VAC14: variants seen among roughly 807,000 people sequenced by gnomAD.
VAC14 encodes protein VAC14 homolog.
A neutral mutation model predicts 85.3 loss-of-function variants in VAC14; 47 were observed. That is an observed-to-expected ratio of 0.55 (90% confidence interval 0.44 to 0.70). VAC14 has a LOEUF of 0.70. VAC14 is among the 30% of genes least tolerant of loss of function. The pLI is 0.00. For missense variants in VAC14, 861 were observed against 1,004.3 expected, an observed-to-expected ratio of 0.86 and a Z score of 1.93; for synonymous variants, 447 against 430.5, an observed-to-expected ratio of 1.04 and a Z score of -0.47.
chr16:70,794,406 T>G (rs1223554227), intron 1 of VAC14, among the ~76,000 whole-genome samples: 1 of 152,210 alleles, frequency 6.6e-6, no homozygotes, highest in African/African-American at 2.4e-5. Flanking sequence ...ATGGTTGGCT[T>G]CTTTCACTTA....
intron 2 of VAC14, 104 bp downstream of exon 2, chr16:70,786,111 A>G: frequency 6.6e-7 from 1 of 1,510,534 alleles, no homozygotes; most frequent in East Asian, 2.3e-5. Flanking sequence ...AATAAAACAT[A>G]GGTCTGCAAT....
In VAC14 at chr16:70,779,121, G is replaced by A. The variant is rs189981716; in HGVS notation, c.1096+1669C>T. 5.9e-5 allele frequency: 9 copies of A among 152,378 alleles called. No homozygotes were observed. The East Asian group carries it at 7.7e-4, about 13-fold the overall frequency. 9.4% of individuals were successfully genotyped at this position (152,378 alleles called of 1,614,324 possible). On this transcript the variant is annotated intron_variant, in intron 9 of 18. Transcript: ENST00000261776. ...TGAACCACCAATGCTCCAGCTGAGTGCTGTTCTGCCTCCAGCTGTTTTGTT... is the reference window on the plus strand; with the variant it reads ...TGAACCACCAATGCTCCAGCTGAGTACTGTTCTGCCTCCAGCTGTTTTGTT...
At chr16:70,706,575 G>A (rs764304795) in intron 14 of VAC14, among the ~76,000 whole-genome samples, 4 of 152,170 alleles carry the variant, frequency 2.6e-5, no homozygotes, top group East Asian at 1.9e-4. Context: ...GCCATGGTGC[G>A]ATCTTAGCTC....
intron 4 of VAC14, among the ~76,000 whole-genome samples, chr16:70,784,511 G>A (rs554203429): frequency 1.6e-4 from 24 of 152,196 alleles, no homozygotes; most frequent in Non-Finnish European, 3.1e-4. Flanking sequence ...CAGGGCCAGA[G>A]AGGTGTGGAA....
intron 1 of VAC14, among the ~76,000 whole-genome samples, chr16:70,796,462 A>G (rs558583798): frequency 1.3e-5 from 2 of 152,214 alleles, no homozygotes; most frequent in East Asian, 1.9e-4. Flanking sequence ...TCCTTTTATT[A>G]TAAGTATGTC....
At chr16:70,767,314 C>G (rs970098509) in intron 10 of VAC14, among the ~76,000 whole-genome samples, 6 of 152,066 alleles carry the variant, frequency 3.9e-5, no homozygotes, top group African/African-American at 1.4e-4. Flanking sequence ...TTACAGTGTT[C>G]GGGTTACATC....
intron 1 of VAC14, among the ~76,000 whole-genome samples, chr16:70,789,934 C>T (rs1251684845): frequency 2.6e-5 from 4 of 152,152 alleles, no homozygotes; most frequent in African/African-American, 4.8e-5. Context: ...CCAACCTGCA[C>T]GGCAGCGAAG....
At chr16:70,703,118 T>C (rs1396291489) in intron 14 of VAC14, among the ~76,000 whole-genome samples, 3 of 152,356 alleles carry the variant, frequency 2.0e-5, no homozygotes, top group East Asian at 1.9e-4. Context: ...GCCTGGCAGA[T>C]GGCTGCCTTG....
rs757190755 is a variant in VAC14 at position 70,772,094 on chromosome 16, A to C, written c.1160+15T>G. On this transcript the variant is annotated intron_variant, in intron 10 of 18. Coordinates refer to ENST00000261776, the MANE Select transcript of VAC14 (RefSeq NM_018052.5). The stretch of plus-strand genomic sequence containing the variant: ...TCGCTTTCCACAAACCTTCTGGCTG[A>C]AACAAGCCACTTACCTGGCTGCAGT... The C allele has an allele frequency of 1.2e-6, 2 of 1,613,708 alleles. No homozygotes were observed. The highest frequency in any genetic ancestry group is 1.7e-6 in the Non-Finnish European group (2 of 1,179,796).
chr16:70,791,141 T>A (rs1450915652), intron 1 of VAC14, among the ~76,000 whole-genome samples: 1 of 152,218 alleles, frequency 6.6e-6, no homozygotes, highest in Non-Finnish European at 1.5e-5. Flanking sequence ...GCCTTCTTAC[T>A]GCGCCCTGCC....
At chr16:70,799,644 T>C (rs1299182981) in intron 1 of VAC14, among the ~76,000 whole-genome samples, 2 of 152,152 alleles carry the variant, frequency 1.3e-5, no homozygotes, top group Non-Finnish European at 1.5e-5. Context: ...CTGTTAAAAA[T>C]CCTGCAAGGC....
At chr16:70,728,783 G>C (rs2054504513) in intron 14 of VAC14, among the ~76,000 whole-genome samples, 1 of 152,214 alleles carries the variant, frequency 6.6e-6, no homozygotes, top group Non-Finnish European at 1.5e-5. Flanking sequence ...TCCTCCAAAG[G>C]CCTCTCCTTC....
At chr16:70,730,560 G>A (rs2054560542) in intron 14 of VAC14, among the ~76,000 whole-genome samples, 1 of 150,632 alleles carries the variant, frequency 6.6e-6, no homozygotes, top group Non-Finnish European at 1.5e-5. Context: ...TCACCCCAGG[G>A]GTTCCGATTT....
intron 10 of VAC14, among the ~76,000 whole-genome samples, chr16:70,767,104 T>C (rs191837351): frequency 1.3e-5 from 2 of 152,368 alleles, no homozygotes; most frequent in East Asian, 3.9e-4. Context: ...AATTCCATTT[T>C]CATGGAGCAT....
intron 12 of VAC14, among the ~76,000 whole-genome samples, chr16:70,748,414 G>C (rs527284345): frequency 7.2e-5 from 11 of 152,236 alleles, no homozygotes; most frequent in South Asian, 2.1e-4. Flanking sequence ...TGATGCCTGG[G>C]GGGGAGCCAG....
At chr16:70,790,986 C>G (rs1666689913) in intron 1 of VAC14, among the ~76,000 whole-genome samples, 2 of 151,970 alleles carry the variant, frequency 1.3e-5, no homozygotes, top group South Asian at 4.1e-4. Context: ...ACCCCTGGGC[C>G]ACCGGCAGGA....
chr16:70,692,180 C>T, intron 18 of VAC14: 2 of 768,856 alleles, frequency 2.6e-6, no homozygotes, highest in Non-Finnish European at 3.2e-6. Context: ...AGGGTGGGAG[C>T]CGGCACTCCT....
intron 8 of VAC14, 61 bp downstream of exon 8, chr16:70,781,808 C>T: frequency 1.3e-6 from 2 of 1,591,426 alleles, no homozygotes; most frequent in Non-Finnish European, 1.7e-6. Context: ...GTGCAGGGTC[C>T]CTCAACTTCA....
chr16:70,734,997 T>C (rs1018900864), intron 13 of VAC14, among the ~76,000 whole-genome samples: 9 of 152,080 alleles, frequency 5.9e-5, no homozygotes, highest in African/African-American at 1.7e-4. Context: ...TGTTCGGACA[T>C]GTTTGGGGCT....
Sources: gnomAD v4.1 joint callset for allele counts (sites outside exome capture counted in the v4.1 genomes callset) on GRCh38, gnomAD v4.1.1 for gene constraint, MANE v1.5 for transcripts, NCBI Gene and HGNC (gene_info 2026-07-23, HGNC 2026-07-21) for gene names.